Variants in PCDHGA5 observed in about 807,000 individuals in gnomAD.
PCDHGA5 encodes the protein protocadherin gamma subfamily A, 5, also known as protocadherin gamma-A5.
PCDHGA5 carries 36 observed loss-of-function variants against 56.7 expected under a neutral mutation model. The ratio of observed to expected loss-of-function variants is 0.64; its 90% confidence interval spans 0.49 to 0.84. The LOEUF is 0.84. PCDHGA5 is among the 40% of genes least tolerant of loss of function. PCDHGA5 has a pLI of 0.00. For missense variants in PCDHGA5, 1,305 were observed against 1,201.5 expected (o/e 1.09, Z -1.27); for synonymous variants, 563 against 520.2 (o/e 1.08, Z -1.12).
At chr5:141,459,218 C>T (rs2098963524) in intron 1 of PCDHGA5, among the ~76,000 whole-genome samples, 1 of 152,220 alleles carries the variant, frequency 6.6e-6, no homozygotes, top group South Asian at 2.1e-4. Context: ...TTCTCCAGCT[C>T]CAGGCAACAA....
chr5:141,370,443 C>T, intron 1 of PCDHGA5: 1 of 1,607,126 alleles, frequency 6.2e-7, no homozygotes, highest in South Asian at 1.1e-5. Flanking sequence ...GAGGCGAATG[C>T]TATTTCTCTT....
rs750774158 is a variant in PCDHGA5 at position 141,389,140 on chromosome 5, C to A, written c.2421+22389C>A. 3.1e-6 allele frequency: 5 copies of A among 1,613,878 alleles called. No homozygotes were observed. In the Admixed American group the frequency reaches 8.3e-5, roughly 27 times the overall value. On this transcript the variant is annotated intron_variant, in intron 1 of 3. Coordinates refer to ENST00000518069, the MANE Select transcript of PCDHGA5 (RefSeq NM_018918.3). ...GAGCAGAATCCAGAGTACAATATAA[C>A]CGTTACGGCAACAGATCGGGGCAAG...
In PCDHGA5 at chr5:141,477,472, C is replaced by T. The variant is rs764533834; in HGVS notation, c.2422-17335C>T. 1 of 1,614,156 alleles carries T rather than the reference C, an allele frequency of 6.2e-7. No homozygotes were observed. Among genetic ancestry groups the T allele is most frequent in the South Asian group, 1.1e-5 (1 of 91,080 alleles). Reference sequence around the variant, plus strand: ...GTGTTCAAGTGTCCGACATCAATGACAACCCTCCACAATCTTCTCAATCTT... The same window carrying T: ...GTGTTCAAGTGTCCGACATCAATGATAACCCTCCACAATCTTCTCAATCTT... On this transcript the variant is annotated intron_variant, in intron 1 of 3. Transcript: ENST00000518069. This position sits in a 1 kb window ranked among gnomAD's most constrained non-coding sequence, Gnocchi z 4.9.
intron 1 of PCDHGA5, among the ~76,000 whole-genome samples, chr5:141,433,395 CTA>C (rs1426636882): frequency 1.1e-4 from 17 of 150,770 alleles, no homozygotes; most frequent in African/African-American, 4.1e-4. Flanking sequence ...ATCTATCTAT[CTA>C]TCTATCTATT....
intron 1 of PCDHGA5, chr5:141,421,916 G>A (rs754653877): frequency 2.5e-6 from 4 of 1,613,646 alleles, no homozygotes; most frequent in Non-Finnish European, 2.5e-6. Flanking sequence ...GTTCCCATTC[G>A]TGTGGTGGTC....
chr5:141,440,667 T>C (rs1330266877), intron 1 of PCDHGA5: 1 of 152,218 alleles, frequency 6.6e-6, no homozygotes, highest in East Asian at 1.9e-4. Context: ...GCAGCAACTC[T>C]ATATTTCTCT....
At chr5:141,374,976 C>G (rs774690686) in intron 1 of PCDHGA5, 1 of 1,613,898 alleles carries the variant, frequency 6.2e-7, no homozygotes, top group African/African-American at 1.3e-5. Flanking sequence ...AATGTTTTGA[C>G]TGGAGAAATT....
intron 1 of PCDHGA5, among the ~76,000 whole-genome samples, chr5:141,425,427 A>G (rs925551543): frequency 2.2e-4 from 33 of 152,362 alleles, no homozygotes; most frequent in Non-Finnish European, 4.1e-4. Flanking sequence ...GTCCCATTAA[A>G]TAGAGGATAA....
chr5:141,423,782 C>T (rs1458189260), intron 1 of PCDHGA5: 9 of 1,243,226 alleles, frequency 7.2e-6, no homozygotes, highest in Non-Finnish European at 9.3e-6. Flanking sequence ...ATATTTAGTT[C>T]ATATATATTT....
At chr5:141,395,550 G>T (rs1402921293) in intron 1 of PCDHGA5, 4 of 47,806 alleles carry the variant, frequency 8.4e-5, no homozygotes, top group South Asian at 8.8e-4. Flanking sequence ...GTTTGTGTGT[G>T]TGTGTGTGTG....
chr5:141,496,276 G>C (rs1189269883), intron 2 of PCDHGA5, among the ~76,000 whole-genome samples: 1 of 152,204 alleles, frequency 6.6e-6, no homozygotes, highest in Admixed American at 6.5e-5. Flanking sequence ...AAGACCTTCA[G>C]TTGGTCTGAG....
intron 1 of PCDHGA5, chr5:141,410,904 A>G (rs2095446600): frequency 3.8e-6 from 1 of 262,528 alleles, no homozygotes; most frequent in African/African-American, 3.2e-5. Flanking sequence ...CCTAGGCTGG[A>G]GTGCAGTGGC....
At chr5:141,436,214 A>G (rs1242199916) in intron 1 of PCDHGA5, among the ~76,000 whole-genome samples, 5 of 152,160 alleles carry the variant, frequency 3.3e-5, no homozygotes, top group African/African-American at 7.2e-5. Context: ...AGGAAAACAA[A>G]TGACTTGGGA....
At chr5:141,506,444 CAAAAAAAA>C (rs1219684339) in intron 3 of PCDHGA5, among the ~76,000 whole-genome samples, 24 of 95,024 alleles carry the variant, frequency 2.5e-4, no homozygotes, top group African/African-American at 9.5e-4. Flanking sequence ...CGCTCTGTCT[CAAAAAAAA>C]AAAAAAAAAA....
rs747588958 is a variant in PCDHGA5 at position 141,370,424 on chromosome 5, A to C, written c.2421+3673A>C. 5 of 1,587,984 alleles carry C rather than the reference A, an allele frequency of 3.1e-6. No individual in the cohort carries two copies. The South Asian group carries it at 4.6e-5, about 15-fold the overall frequency. The stretch of plus-strand genomic sequence containing the variant: ...GAAATAGCTCCGGATGGAGGGGCCC[A>C]GCAGGGCAGAGGCGAATGCTATTTC... On this transcript the variant is annotated intron_variant, in intron 1 of 3. Transcript: ENST00000518069.
chr5:141,455,905 T>TTATG (rs2098836561), intron 1 of PCDHGA5, among the ~76,000 whole-genome samples: 1 of 148,340 alleles, frequency 6.7e-6, no homozygotes, highest in Admixed American at 6.7e-5. Flanking sequence ...ATTTATTTAT[T>TTATG]TATTTATTTT....
chr5:141,394,521 G>C, intron 1 of PCDHGA5: 1 of 1,614,212 alleles, frequency 6.2e-7, no homozygotes, highest in Non-Finnish European at 8.5e-7. Context: ...CCTCCCCACA[G>C]ACGGTTCCAC....
At chr5:141,414,409 A>AG in intron 1 of PCDHGA5, 1 of 1,613,870 alleles carries the variant, frequency 6.2e-7, no homozygotes. Flanking sequence ...GGTGATACAC[A>AG]GAGCCCTTGA....
intron 1 of PCDHGA5, chr5:141,389,990 C>A (rs2091998485): frequency 6.2e-7 from 1 of 1,613,926 alleles, no homozygotes; most frequent in African/African-American, 1.3e-5. Flanking sequence ...TGCTCTTCCT[C>A]GTGGCCATGA....
Sources: allele counts gnomAD v4.1 joint callset (sites outside exome capture counted in the v4.1 genomes callset), GRCh38; gene constraint gnomAD v4.1.1; non-coding constraint Gnocchi (gnomAD v3.1); transcripts MANE v1.5; gene names NCBI Gene and HGNC (gene_info 2026-07-23, HGNC 2026-07-21).